The following MGAT4C variants were observed in gnomAD, a reference collection of about 807,000 sequenced individuals.
The protein encoded by MGAT4C is alpha-1,3-mannosyl-glycoprotein 4-beta-N-acetylglucosaminyltransferase C.
Under a neutral mutation model 40.1 loss-of-function variants are expected in MGAT4C, and 19 were observed. That is an observed-to-expected ratio of 0.47 (90% CI 0.33 to 0.70). MGAT4C has a LOEUF of 0.70. Among genes scored for constraint, MGAT4C ranks in the 30% least tolerant of loss-of-function variants. The probability of loss-of-function intolerance (pLI) is 0.02; values close to 1 mark genes in which losing one functional copy is unlikely to be tolerated. For synonymous variants in MGAT4C, 181 were observed against 187.1 expected, an observed-to-expected ratio of 0.97 and a Z score of 0.27; for missense variants, 491 against 563.2, an observed-to-expected ratio of 0.87 and a Z score of 1.30.
chr12:86,761,089 T>A (rs1170946872), intron 1 of MGAT4C, among the ~76,000 whole-genome samples: 1 of 152,230 alleles, frequency 6.6e-6, no homozygotes, highest in Non-Finnish European at 1.5e-5. Context: ...AGAATTCAAT[T>A]ATACCTCAAC....
intron 3 of MGAT4C, among the ~76,000 whole-genome samples, chr12:86,401,228 T>A (rs962511929): frequency 6.6e-6 from 1 of 151,746 alleles, no homozygotes; most frequent in African/African-American, 2.4e-5. Flanking sequence ...ATGAGATTTA[T>A]TCCATACTAA....
At chr12:86,531,966 A>C (rs1958993628) in intron 2 of MGAT4C, among the ~76,000 whole-genome samples, 1 of 151,984 alleles carries the variant, frequency 6.6e-6, no homozygotes, top group African/African-American at 2.4e-5. Flanking sequence ...AACTCTATGG[A>C]ATCATCTAAT....
chr12:86,708,817 G>T (rs563460266), intron 2 of MGAT4C, among the ~76,000 whole-genome samples: 2 of 152,288 alleles, frequency 1.3e-5, no homozygotes, highest in East Asian at 3.9e-4. Flanking sequence ...CTCCCATTTA[G>T]AATGGCTGTG....
intron 2 of MGAT4C, among the ~76,000 whole-genome samples, chr12:86,450,635 T>C (rs1215266591): frequency 6.6e-6 from 1 of 152,070 alleles, no homozygotes; most frequent in Non-Finnish European, 1.5e-5. Context: ...TGTATTACCT[T>C]TTACATTTGG....
chr12:86,625,766 G>C (rs1290413681), intron 2 of MGAT4C, among the ~76,000 whole-genome samples: 2 of 151,946 alleles, frequency 1.3e-5, no homozygotes, highest in Non-Finnish European at 2.9e-5. Flanking sequence ...TATATCTACT[G>C]AGAAATAGGA....
At chr12:86,774,396 C>CCTCTCTCTCT (rs148122088) in intron 1 of MGAT4C, among the ~76,000 whole-genome samples, 6 of 92,194 alleles carry the variant, frequency 6.5e-5, no homozygotes, top group Non-Finnish European at 1.1e-4. Flanking sequence ...CTCTCTCTCT[C>CCTCTCTCTCT]CTCTCTCTCT....
intron 4 of MGAT4C, among the ~76,000 whole-genome samples, chr12:86,317,093 A>G (rs1174304609): frequency 6.6e-6 from 1 of 152,118 alleles, no homozygotes; most frequent in African/African-American, 2.4e-5. Context: ...AAAATATAAT[A>G]GTAATTGGCT....
chr12:86,716,731 T>C lies in MGAT4C; in HGVS notation c.-229+10478A>G, dbSNP rs773511096. 2.2e-4 allele frequency among the ~76,000 whole-genome samples: 33 copies of C among 152,254 alleles called. 1 individual carries two copies. The Middle Eastern group carries it at 0.02, about 94-fold the overall frequency. ...CTGATAAGTGGTAGCTGTCAACTGA[T>C]GACAGATACATGCCTTATAATAGGG... On this transcript the variant is annotated intron_variant, in intron 2 of 7. Transcript: ENST00000548651.
At chr12:86,130,989 C>G (rs575752497) in intron 1 of MGAT4C, among the ~76,000 whole-genome samples, 2 of 152,046 alleles carry the variant, frequency 1.3e-5, no homozygotes, top group South Asian at 4.1e-4. Flanking sequence ...ACTATTAAAA[C>G]TGTTATTATA....
chr12:86,684,874 G>T (rs1030018852), intron 2 of MGAT4C, among the ~76,000 whole-genome samples: 1 of 150,956 alleles, frequency 6.6e-6, no homozygotes, highest in South Asian at 2.1e-4. Context: ...CCAACTTTTT[G>T]ATGGGTTTTT....
chr12:86,027,844 C>T (rs1057114505), intron 2 of MGAT4C, among the ~76,000 whole-genome samples: 3 of 151,814 alleles, frequency 2.0e-5, no homozygotes, highest in African/African-American at 7.3e-5. Flanking sequence ...TTGCTAAATT[C>T]ATCATTGAAA....
intron 3 of MGAT4C, among the ~76,000 whole-genome samples, chr12:86,363,475 A>T (rs1444356625): frequency 6.6e-6 from 1 of 152,116 alleles, no homozygotes; most frequent in Non-Finnish European, 1.5e-5. Context: ...GTTGGGGGGA[A>T]AATTTATAGC....
intron 1 of MGAT4C, among the ~76,000 whole-genome samples, chr12:86,088,400 A>C (rs763591865): frequency 6.6e-6 from 1 of 152,140 alleles, no homozygotes. Flanking sequence ...CTTCTTCTGC[A>C]CAGCAAAAGA....
intron 2 of MGAT4C, among the ~76,000 whole-genome samples, chr12:86,514,810 A>T (rs1051319065): frequency 1.3e-5 from 2 of 152,218 alleles, no homozygotes; most frequent in Non-Finnish European, 2.9e-5. Flanking sequence ...TTGGAGATCC[A>T]TTATTGTGCC....
chr12:86,736,519 T>C (rs1227071608), intron 1 of MGAT4C, among the ~76,000 whole-genome samples: 2 of 151,756 alleles, frequency 1.3e-5, no homozygotes, highest in Non-Finnish European at 1.5e-5. Context: ...CCAACAATGA[T>C]TGAAAACAGT....
intron 2 of MGAT4C, among the ~76,000 whole-genome samples, chr12:86,461,150 C>G (rs1317640824): frequency 6.6e-6 from 1 of 151,398 alleles, no homozygotes; most frequent in South Asian, 2.1e-4. Context: ...AAAATACCTA[C>G]TTTATATATT....
chr12:86,601,981 C>G (rs1316245504), intron 2 of MGAT4C, among the ~76,000 whole-genome samples: 2 of 152,174 alleles, frequency 1.3e-5, no homozygotes, highest in South Asian at 2.1e-4. Context: ...ACCGCGTTCC[C>G]GTTGTCCAGA....
At chr12:86,272,491 A>G (rs1257706290) in intron 4 of MGAT4C, among the ~76,000 whole-genome samples, 1 of 152,214 alleles carries the variant, frequency 6.6e-6, no homozygotes, top group Non-Finnish European at 1.5e-5. Context: ...TCCTTCACCT[A>G]GGATACCTAA....
intron 2 of MGAT4C, among the ~76,000 whole-genome samples, chr12:86,518,195 A>G (rs927182294): frequency 1.3e-5 from 2 of 152,172 alleles, no homozygotes; most frequent in African/African-American, 4.8e-5. Flanking sequence ...AACTGCATGA[A>G]CAACAACAAC....
Sources: allele counts gnomAD v4.1 joint callset (sites outside exome capture counted in the v4.1 genomes callset), GRCh38; gene constraint gnomAD v4.1.1; transcripts MANE v1.5; gene names NCBI Gene and HGNC (gene_info 2026-07-23, HGNC 2026-07-21).